The following GRIN3A variants were observed in gnomAD, a reference collection of about 807,000 sequenced individuals.
GRIN3A encodes the protein glutamate ionotropic receptor NMDA type subunit 3A.
GRIN3A carries 47 observed loss-of-function variants against 92.4 expected under a neutral mutation model. The ratio of observed to expected loss-of-function variants is 0.51; its 90% CI spans 0.40 to 0.65. GRIN3A has a LOEUF of 0.65. Ranked by LOEUF, GRIN3A falls within the 30% of genes least tolerant of loss-of-function variation. GRIN3A has a pLI of 0.00. For missense variants in GRIN3A, 1,324 were observed against 1,393.1 expected, an observed-to-expected ratio of 0.95 and a Z score of 0.79; for synonymous variants, 527 against 540.6, an observed-to-expected ratio of 0.97 and a Z score of 0.35.
intron 1 of GRIN3A, among the ~76,000 whole-genome samples, chr9:101,729,505 C>T (rs1830115904): frequency 1.3e-5 from 2 of 152,136 alleles, no homozygotes; most frequent in South Asian, 2.1e-4. Flanking sequence ...ATCACATTGT[C>T]ACATCGCCTT....
chr9:101,654,061 G>A (rs1422298603), intron 3 of GRIN3A, among the ~76,000 whole-genome samples: 1 of 151,676 alleles, frequency 6.6e-6, no homozygotes, highest in East Asian at 1.9e-4. Flanking sequence ...ATTTCACATT[G>A]AATCCTCTTG....
intron 6 of GRIN3A, among the ~76,000 whole-genome samples, chr9:101,588,629 A>G (rs1827979780): frequency 6.6e-6 from 1 of 152,240 alleles, no homozygotes; most frequent in Non-Finnish European, 1.5e-5. Flanking sequence ...GAGATTACCC[A>G]TAATCCTTGT....
intron 6 of GRIN3A, among the ~76,000 whole-genome samples, chr9:101,606,112 C>T (rs1353008982): frequency 1.3e-5 from 2 of 152,220 alleles, no homozygotes. Flanking sequence ...TGGTCTCTCT[C>T]CCCGCAGGCT....
intron 3 of GRIN3A, among the ~76,000 whole-genome samples, chr9:101,658,327 A>G: frequency 6.6e-6 from 1 of 151,918 alleles, no homozygotes. Flanking sequence ...TGACATTTTT[A>G]TTTTCTGTTC....
At chr9:101,639,163 C>A (rs1464082957) in intron 3 of GRIN3A, among the ~76,000 whole-genome samples, 1 of 152,132 alleles carries the variant, frequency 6.6e-6, no homozygotes, top group Non-Finnish European at 1.5e-5. Flanking sequence ...CAAGCTGATT[C>A]TAGAACCCAA....
At chr9:101,678,584 A>G (rs1357613406) in intron 2 of GRIN3A, among the ~76,000 whole-genome samples, 1 of 152,186 alleles carries the variant, frequency 6.6e-6, no homozygotes, top group East Asian at 1.9e-4. Flanking sequence ...ATTTGGGTCT[A>G]TGTTTTGTCA....
At chr9:101,644,276 T>C (rs372963470) in intron 3 of GRIN3A, among the ~76,000 whole-genome samples, 66 of 152,050 alleles carry the variant, frequency 4.3e-4, no homozygotes, top group African/African-American at 1.4e-3. Context: ...AGGTAGACTA[T>C]TTCTTCTTAG....
chr9:101,684,339 T>C (rs1195179000), intron 2 of GRIN3A, among the ~76,000 whole-genome samples: 6 of 147,070 alleles, frequency 4.1e-5, no homozygotes, highest in African/African-American at 1.5e-4. Context: ...GTCTGATCTC[T>C]TGACCTCGTG....
At position 101,571,206 on chromosome 9, in the gene GRIN3A, C is replaced by A. The variant is rs746731451; in HGVS notation, c.*1968G>T. On this transcript the variant is annotated 3_prime_UTR_variant, in exon 9 of 9. Transcript: ENST00000361820. Reference sequence around the variant, plus strand: ...CTGTTTCCTCATTATTGAACTGTTTCATCTGTGGAGTTGGTGACCTCTAAC... The same window carrying A: ...CTGTTTCCTCATTATTGAACTGTTTAATCTGTGGAGTTGGTGACCTCTAAC... 4 of 152,190 alleles carry A rather than the reference C, an allele frequency of 2.6e-5. No individual in the cohort carries two copies. The highest frequency in any genetic ancestry group is 9.7e-5 in the African/African-American group (4 of 41,446). The allele number at this position is 152,190 out of a possible 1,614,324, so 9.4% of individuals were successfully genotyped here.
In GRIN3A at chr9:101,573,156, G is replaced by C. The variant is rs1387828106; in HGVS notation, c.*18C>G. On this transcript the variant is annotated 3_prime_UTR_variant, in exon 9 of 9. Transcript: ENST00000361820. Reference sequence around the variant, plus strand: ...CAGAGGAAGGTCAGGAACTGAGAAAGGGAAGCAGTGTGGTCACCTAGGACT... The same window carrying C: ...CAGAGGAAGGTCAGGAACTGAGAAACGGAAGCAGTGTGGTCACCTAGGACT... 3.1e-6 allele frequency: 5 copies of C among 1,600,838 alleles called. No individual in the cohort carries two copies. Among genetic ancestry groups the C allele is most frequent in the Non-Finnish European group, 4.3e-6 (5 of 1,168,138 alleles).
intron 6 of GRIN3A, among the ~76,000 whole-genome samples, chr9:101,587,445 A>T (rs1053921821): frequency 6.6e-6 from 1 of 152,194 alleles, no homozygotes. Flanking sequence ...CCTGACGCAG[A>T]TCTCAGAAAT....
intron 2 of GRIN3A, among the ~76,000 whole-genome samples, chr9:101,677,139 T>G (rs2118962895): frequency 6.6e-6 from 1 of 152,130 alleles, no homozygotes; most frequent in East Asian, 1.9e-4. Context: ...AGACCTCCAG[T>G]TATCTGAATT....
In GRIN3A at chr9:101,573,089, G is replaced by C; in HGVS notation, c.*85C>G. 8.3e-7 allele frequency: 1 copy of C among 1,200,010 alleles called. No homozygotes were observed. Among genetic ancestry groups the C allele is most frequent in the Non-Finnish European group, 1.2e-6 (1 of 805,280 alleles). 74.3% of individuals were successfully genotyped at this position (1,200,010 alleles called of 1,614,324 possible). A position where few individuals can be genotyped will look rare whatever the true frequency, so the allele number is the denominator to read the frequency against. On this transcript the variant is annotated 3_prime_UTR_variant, in exon 9 of 9. Coordinates refer to ENST00000361820, the MANE Select transcript of GRIN3A (RefSeq NM_133445.3). The stretch of plus-strand genomic sequence containing the variant: ...TAGACCTCAGCTTCCCCACACCTTT[G>C]TCGATAGTTACAAAAGAGCATTACA...
chr9:101,604,591 C>T (rs1252963728), intron 6 of GRIN3A, among the ~76,000 whole-genome samples: 1 of 152,116 alleles, frequency 6.6e-6, no homozygotes, highest in East Asian at 1.9e-4. Flanking sequence ...CTCCTTGCCT[C>T]CCCATAACTT....
chr9:101,604,521 G>A (rs1037622711), intron 6 of GRIN3A, among the ~76,000 whole-genome samples: 2 of 152,202 alleles, frequency 1.3e-5, no homozygotes, highest in Admixed American at 1.3e-4. Flanking sequence ...GCACTCAGCT[G>A]TCAAGGTGGC....
At chr9:101,720,294 C>G (rs1251524310) in intron 1 of GRIN3A, among the ~76,000 whole-genome samples, 1 of 152,110 alleles carries the variant, frequency 6.6e-6, no homozygotes, top group African/African-American at 2.4e-5. Context: ...TTATAAAGTG[C>G]TTTTATGTGT....
At position 101,706,557 on chromosome 9, in the gene GRIN3A, G is replaced by T. The variant is rs1254087375; in HGVS notation, c.700-19357C>A. On this transcript the variant is annotated intron_variant, in intron 1 of 8. Transcript: ENST00000361820. ...CAGAATCAGATTATGCAATCAGGGTGCTGGAAAGACTGACATTACTGCATT... is the reference window on the plus strand; with the variant it reads ...CAGAATCAGATTATGCAATCAGGGTTCTGGAAAGACTGACATTACTGCATT... Among the ~76,000 whole-genome samples, 3 of 152,214 alleles carry T rather than the reference G, an allele frequency of 2.0e-5. No homozygotes were observed. In the East Asian group the frequency reaches 5.8e-4, roughly 29 times the overall value.
intron 6 of GRIN3A, chr9:101,594,271 G>T: frequency 1.8e-6 from 2 of 1,099,596 alleles, no homozygotes; most frequent in South Asian, 1.7e-5. Context: ...TGGTGATGAA[G>T]CTCCTGTTAG....
intron 6 of GRIN3A, chr9:101,593,404 A>T (rs1004285448): frequency 6.6e-6 from 1 of 152,184 alleles, no homozygotes; most frequent in African/African-American, 2.4e-5. Context: ...TAGCTGGTGT[A>T]GCTAGCATCC....
Sources: allele counts gnomAD v4.1 joint callset (sites outside exome capture counted in the v4.1 genomes callset), GRCh38; gene constraint gnomAD v4.1.1; transcripts MANE v1.5; gene names NCBI Gene and HGNC (gene_info 2026-07-23, HGNC 2026-07-21).